PRSS55: variants seen among roughly 807,000 people sequenced by gnomAD.
PRSS55 encodes serine protease 55, also known as probable serine protease UNQ9391/PRO34284.
Under a neutral mutation model 23.6 loss-of-function variants are expected in PRSS55, and 41 were observed. That is an observed-to-expected ratio of 1.74 (90% CI 1.35 to 2.26). PRSS55 has a LOEUF of 2.26. Ranked by LOEUF, PRSS55 falls within the 30% of genes most tolerant of loss-of-function variation. PRSS55 has a pLI of 0.00. For missense variants in PRSS55, 669 were observed against 439.1 expected, an observed-to-expected ratio of 1.52 and a Z score of -4.68; for synonymous variants, 262 against 175.5, an observed-to-expected ratio of 1.49 and a Z score of -3.90.
downstream of PRSS55, among the ~76,000 whole-genome samples, chr8:10,543,417 TTTC>T (rs373611596): frequency 0.098 from 4,371 of 44,644 alleles, 587 homozygotes; most frequent in Middle Eastern, 0.2. Context: ...TTCTTTCTTC[TTTC>T]TTTCTTCCTT....
At chr8:10,549,161 C>G (rs1012427526) in intron 4 of PRSS55, among the ~76,000 whole-genome samples, 1 of 152,150 alleles carries the variant, frequency 6.6e-6, no homozygotes, top group Non-Finnish European at 1.5e-5. Flanking sequence ...GTCACCTCAT[C>G]ATAATAAGTG....
At chr8:10,545,023 A>G (rs1585892898) in intron 4 of PRSS55, 1 of 985,250 alleles carries the variant, frequency 1.0e-6, no homozygotes, top group Non-Finnish European at 1.2e-6. Flanking sequence ...CAAACAGGAC[A>G]TGGTGGCCTG....
chr8:10,536,060 C>G (rs186709042), intron 4 of PRSS55, among the ~76,000 whole-genome samples: 1 of 152,230 alleles, frequency 6.6e-6, no homozygotes, highest in African/African-American at 2.4e-5. Flanking sequence ...GTGGTGGGTA[C>G]CTGTAGTCCC....
chr8:10,545,886 G>C (rs1163825645), intron 4 of PRSS55, among the ~76,000 whole-genome samples: 1 of 152,218 alleles, frequency 6.6e-6, no homozygotes. Context: ...CCCAGTAAGA[G>C]GCATCTTCTA....
intron 1 of PRSS55, among the ~76,000 whole-genome samples, chr8:10,526,689 G>A (rs909316220): frequency 6.6e-6 from 1 of 152,216 alleles, no homozygotes; most frequent in South Asian, 2.1e-4. Flanking sequence ...GAATGTGGGG[G>A]ATGGATCCCA....
chr8:10,533,393 T>C (rs1278518457), intron 4 of PRSS55, among the ~76,000 whole-genome samples: 2 of 152,214 alleles, frequency 1.3e-5, no homozygotes, highest in African/African-American at 4.8e-5. Context: ...TTCATTAACT[T>C]AGAAACCTTT....
downstream of PRSS55, among the ~76,000 whole-genome samples, chr8:10,543,463 CCTTTCTTT>C (rs754211855): frequency 2.0e-5 from 1 of 49,680 alleles, no homozygotes; most frequent in African/African-American, 5.8e-5. Flanking sequence ...TTCCTTCCTT[CCTTTCTTT>C]CTTTCTCTCT....
In PRSS55 at chr8:10,538,530, C is replaced by G; in HGVS notation, c.796C>G (p.Gln266Glu). 2.5e-6 allele frequency: 4 copies of G among 1,614,130 alleles called. No homozygotes were observed. Among genetic ancestry groups the G allele is most frequent in the Non-Finnish European group, 2.5e-6 (3 of 1,180,018 alleles). The stretch of plus-strand genomic sequence containing the variant: ...CCCAGAGCCTGGTGAGAAGTGGTAC[C>G]AGGTGGGCATCATAAGCTGGGGAAA... ...CTPEPGEKWYQVGIISWGKSC... is the reference protein window; with the variant it reads ...CTPEPGEKWYEVGIISWGKSC... Residue 266 changes from glutamine (Q) to glutamate (E), a missense_variant, in exon 5 of 5, where the codon CAG becomes GAG. Coordinates refer to ENST00000328655, the MANE Select transcript of PRSS55 (RefSeq NM_198464.4).
downstream of PRSS55, among the ~76,000 whole-genome samples, chr8:10,542,797 C>T (rs759053563): frequency 3.4e-5 from 5 of 149,084 alleles, no homozygotes; most frequent in Admixed American, 2.0e-4. Context: ...CGCTTGAACC[C>T]GGGAGGCGGA....
At chr8:10,541,343 A>T (rs369922756), downstream of PRSS55, 4 of 152,254 alleles carry the variant, frequency 2.6e-5, no homozygotes, top group African/African-American at 9.6e-5. Context: ...AGCCTCATCC[A>T]ATCCGTTGAA....
intron 2 of PRSS55, among the ~76,000 whole-genome samples, chr8:10,530,578 T>C (rs566239136): frequency 6.6e-6 from 1 of 152,256 alleles, no homozygotes; most frequent in Admixed American, 6.5e-5. Context: ...AGGAAACTGA[T>C]GTCCAATACA....
chr8:10,529,519 G>A lies in PRSS55; in HGVS notation c.167G>A (p.Arg56Lys), dbSNP rs377144084. The A allele has an allele frequency of 6.2e-7, 1 of 1,614,182 alleles. No homozygotes were observed. Among genetic ancestry groups the A allele is most frequent in the Non-Finnish European group, 8.5e-7 (1 of 1,180,000 alleles). Residue 56 changes from arginine to lysine, a missense_variant, in exon 2 of 5, where the codon AGA becomes AAA. Arg to Lys is a conservative substitution (Grantham distance 26). Coordinates refer to ENST00000328655, the MANE Select transcript of PRSS55 (RefSeq NM_198464.4). ...PPSPVSECGD[R>K]SIFEGRTRYS... is the part of the protein sequence containing the mutation. Reference sequence around the variant, plus strand: ...TTCTTTCCACCAGAATGTGGTGACAGATCTATTTTCGAGGGAAGAACTCGG... The same window carrying A: ...TTCTTTCCACCAGAATGTGGTGACAAATCTATTTTCGAGGGAAGAACTCGG...
chr8:10,536,495 C>G (rs1269158912), intron 4 of PRSS55, among the ~76,000 whole-genome samples: 7 of 152,148 alleles, frequency 4.6e-5, no homozygotes, highest in Admixed American at 3.3e-4. Flanking sequence ...TACCATTAAA[C>G]CCAGCAATCT....
At position 10,525,709 on chromosome 8, in the gene PRSS55, C is replaced by G; in HGVS notation, c.124C>G (p.Gln42Glu). The change falls in exon 1 of 5, where the codon CAG becomes GAG. Residue 42 changes from glutamine (Q) to glutamate (E), a missense_variant. Coordinates refer to ENST00000328655, the MANE Select transcript of PRSS55 (RefSeq NM_198464.4). ...CAGGGCTAGGGGAGCCCACCGCCCT[C>G]AGCCCCCTCATCCCCCCAGCCCAGT... ...LGRARGAHRP[Q>E]PPHPPSPVSE... The G allele has an allele frequency of 6.2e-7, 1 of 1,611,982 alleles. No individual in the cohort carries two copies. Among genetic ancestry groups the G allele is most frequent in the Non-Finnish European group, 8.5e-7 (1 of 1,179,138 alleles).
chr8:10,532,867 G>T (rs1333223012), intron 3 of PRSS55, 39 bp from the exon 4 acceptor site: 2 of 1,612,944 alleles, frequency 1.2e-6, no homozygotes, highest in African/African-American at 2.7e-5. Flanking sequence ...GGGACATGAG[G>T]CCCAGTGGCT....
In PRSS55 at chr8:10,529,565, G is replaced by A. The variant is rs934013386; in HGVS notation, c.213G>A (p.Gly71=). The change falls in exon 2 of 5, where the codon GGG becomes GGA. Residue 71 remains glycine (G), a synonymous_variant. Coordinates refer to ENST00000328655, the MANE Select transcript of PRSS55 (RefSeq NM_198464.4). ...GRTRYSRITG[G]MEAEVGEFPW... ...CTCGGTATTCCAGAATCACAGGGGGGATGGAGGCGGAGGTGGGTGAGTTTC... is the reference window on the plus strand; with the variant it reads ...CTCGGTATTCCAGAATCACAGGGGGAATGGAGGCGGAGGTGGGTGAGTTTC... 2 of 1,614,114 alleles carry A rather than the reference G, an allele frequency of 1.2e-6. No individual in the cohort carries two copies. Among genetic ancestry groups the A allele is most frequent in the Non-Finnish European group, 1.7e-6 (2 of 1,180,046 alleles).
At chr8:10,526,176 C>T (rs1440859500) in intron 1 of PRSS55, among the ~76,000 whole-genome samples, 2 of 152,162 alleles carry the variant, frequency 1.3e-5, no homozygotes, top group East Asian at 3.9e-4. Context: ...CATTTCTTCT[C>T]CAAGGGGGTG....
At position 10,528,292 on chromosome 8, in the gene PRSS55, G is replaced by A. The variant is rs111662776; in HGVS notation, c.155-1215G>A. On this transcript the variant is annotated intron_variant, in intron 1 of 4. Coordinates refer to ENST00000328655, the MANE Select transcript of PRSS55 (RefSeq NM_198464.4). The stretch of plus-strand genomic sequence containing the variant: ...TGCACATTGCTAAGTTCTCACTCCC[G>A]TATTTTTTTAAACCAAAAATGACCA... Among the ~76,000 whole-genome samples the A allele has an allele frequency of 3.6e-4, 54 of 151,534 alleles. 1 individual carries two copies. Among genetic ancestry groups the A allele is most frequent in the African/African-American group, 1.1e-3 (47 of 41,278 alleles).
intron 4 of PRSS55, among the ~76,000 whole-genome samples, chr8:10,534,059 G>C (rs974413422): frequency 2.0e-5 from 3 of 151,966 alleles, no homozygotes; most frequent in African/African-American, 7.3e-5. Flanking sequence ...GAATACTGTG[G>C]GGACCAAAAA....
Sources: gnomAD v4.1 joint callset for allele counts (sites outside exome capture counted in the v4.1 genomes callset) on GRCh38, gnomAD v4.1.1 for gene constraint, MANE v1.5 for transcripts, NCBI Gene and HGNC (gene_info 2026-07-23, HGNC 2026-07-21) for gene names.